The following CWC27 variants were observed in gnomAD, a reference collection of about 807,000 sequenced individuals.
The protein encoded by CWC27 is CWC27 spliceosome associated cyclophilin, also known as spliceosome-associated protein CWC27 homolog.
Under a neutral mutation model 63.6 loss-of-function variants are expected in CWC27, and 47 were observed. The observed-to-expected ratio is 0.74, with a 90% confidence interval of 0.58 to 0.94. CWC27 has a LOEUF of 0.94. CWC27 is among the 40% of genes least tolerant of loss of function. CWC27 has a pLI of 0.00. For missense variants in CWC27, 495 were observed against 554.3 expected (o/e 0.89, Z 1.07); for synonymous variants, 175 against 179.8 (o/e 0.97, Z 0.22).
intron 10 of CWC27, among the ~76,000 whole-genome samples, chr5:64,853,786 A>G (rs564929800): frequency 1.3e-5 from 2 of 152,328 alleles, no homozygotes; most frequent in Non-Finnish European, 2.9e-5. Context: ...ACCTCCCACC[A>G]GGGCCAACCT....
chr5:64,815,287 G>A (rs1353301849), intron 10 of CWC27, among the ~76,000 whole-genome samples: 2 of 152,148 alleles, frequency 1.3e-5, no homozygotes, highest in Non-Finnish European at 2.9e-5. Flanking sequence ...ATGGGCAGCT[G>A]TGGATCTGCT....
chr5:64,946,536 A>C (rs1230958041), intron 11 of CWC27, among the ~76,000 whole-genome samples: 1 of 152,124 alleles, frequency 6.6e-6, no homozygotes. Flanking sequence ...ATTCAGATTC[A>C]CTGTTCAGTG....
chr5:65,015,556 T>C (rs1750035704), intron 13 of CWC27, among the ~76,000 whole-genome samples: 1 of 152,160 alleles, frequency 6.6e-6, no homozygotes, highest in Admixed American at 6.5e-5. Flanking sequence ...ATGCCCCCGA[T>C]GTGTGGTAAA....
chr5:64,955,871 G>A (rs1748794164), intron 11 of CWC27, among the ~76,000 whole-genome samples: 1 of 151,960 alleles, frequency 6.6e-6, no homozygotes, highest in Non-Finnish European at 1.5e-5. Flanking sequence ...ATTTTCCAAA[G>A]TTCCTTATTA....
chr5:64,842,055 C>T (rs1745858530), intron 10 of CWC27, among the ~76,000 whole-genome samples: 1 of 152,126 alleles, frequency 6.6e-6, no homozygotes, highest in African/African-American at 2.4e-5. Flanking sequence ...AGCCTGCCAT[C>T]TATTTTTGAA....
At chr5:64,772,317 A>G (rs1743285820) in intron 1 of CWC27, among the ~76,000 whole-genome samples, 1 of 152,162 alleles carries the variant, frequency 6.6e-6, no homozygotes, top group Non-Finnish European at 1.5e-5. Flanking sequence ...GTTTAAATTC[A>G]TTATTTAATA....
intron 10 of CWC27, among the ~76,000 whole-genome samples, chr5:64,851,741 GA>G (rs1746138315): frequency 6.6e-6 from 1 of 152,066 alleles, no homozygotes; most frequent in Non-Finnish European, 1.5e-5. Flanking sequence ...TTAGCTATAT[GA>G]TTTAATTTAG....
intron 11 of CWC27, among the ~76,000 whole-genome samples, chr5:64,909,922 A>T (rs995579755): frequency 1.3e-5 from 2 of 152,132 alleles, no homozygotes; most frequent in African/African-American, 2.4e-5. Context: ...TCTGAAGCCT[A>T]CTTCTGTCAG....
Position 65,017,084 on chromosome 5 carries a change from G to A in CWC27, c.1257-1075G>A, listed in dbSNP as rs185811543. ...CACCTGTAATCCCAGCACTTTGGGAGGCCGAGGCGGGCAGATCACGAGGTC... is the reference window on the plus strand; with the variant it reads ...CACCTGTAATCCCAGCACTTTGGGAAGCCGAGGCGGGCAGATCACGAGGTC... On this transcript the variant is annotated intron_variant, in intron 13 of 13. Coordinates refer to ENST00000381070, the MANE Select transcript of CWC27 (RefSeq NM_005869.4). Among the ~76,000 whole-genome samples, 3 of 152,288 alleles carry A rather than the reference G, an allele frequency of 2.0e-5. No individual in the cohort carries two copies. In the East Asian group the frequency reaches 5.8e-4, roughly 29 times the overall value.
intron 13 of CWC27, among the ~76,000 whole-genome samples, chr5:65,003,335 A>T (rs1241891802): frequency 6.6e-6 from 1 of 152,032 alleles, no homozygotes. Context: ...TCATTGTTTT[A>T]TAGTTGTTTT....
chr5:64,844,161 G>T (rs188957885), intron 10 of CWC27, among the ~76,000 whole-genome samples: 1 of 152,168 alleles, frequency 6.6e-6, no homozygotes. Context: ...ATTTCAACAG[G>T]GGGGAAGGGA....
At chr5:64,788,311 G>A (rs565327090) in intron 6 of CWC27, among the ~76,000 whole-genome samples, 9 of 150,634 alleles carry the variant, frequency 6.0e-5, no homozygotes, top group African/African-American at 2.0e-4. Context: ...CTTGCTTCTA[G>A]GCTTTGGGAA....
At chr5:64,957,734 G>A (rs58229559) in intron 11 of CWC27, among the ~76,000 whole-genome samples, 2 of 152,110 alleles carry the variant, frequency 1.3e-5, no homozygotes, top group South Asian at 2.1e-4. Flanking sequence ...AATAAAAAAC[G>A]TTATTAGGGA....
intron 11 of CWC27, among the ~76,000 whole-genome samples, chr5:64,921,358 G>A (rs532952007): frequency 4.6e-5 from 7 of 151,976 alleles, no homozygotes; most frequent in South Asian, 2.1e-4. Flanking sequence ...CCTAGCTTGC[G>A]GTCAGTCTTA....
chr5:64,989,828 C>A (rs1749501154), intron 13 of CWC27, among the ~76,000 whole-genome samples: 1 of 152,152 alleles, frequency 6.6e-6, no homozygotes, highest in South Asian at 2.1e-4. Flanking sequence ...TGACAATTAG[C>A]AGAAATTCTT....
chr5:64,848,012 A>G (rs1001330005), intron 10 of CWC27, among the ~76,000 whole-genome samples: 3 of 152,084 alleles, frequency 2.0e-5, no homozygotes, highest in Non-Finnish European at 4.4e-5. Context: ...AAAAAATACA[A>G]TAAAGATCAG....
At chr5:64,851,092 A>G (rs548448829) in intron 10 of CWC27, among the ~76,000 whole-genome samples, 35 of 152,340 alleles carry the variant, frequency 2.3e-4, no homozygotes, top group African/African-American at 7.0e-4. Context: ...AGAGATGTCT[A>G]CACTACATGT....
At chr5:64,777,022 A>G (rs1485121867) in intron 2 of CWC27, among the ~76,000 whole-genome samples, 1 of 152,110 alleles carries the variant, frequency 6.6e-6, no homozygotes, top group African/African-American at 2.4e-5. Context: ...ATAGAGCAAA[A>G]AAGATATAAA....
At chr5:64,811,834 G>A (rs955493577) in intron 10 of CWC27, among the ~76,000 whole-genome samples, 1 of 152,064 alleles carries the variant, frequency 6.6e-6, no homozygotes, top group African/African-American at 2.4e-5. Flanking sequence ...AATTGATTAA[G>A]CTCTAAATTG....
Sources: gnomAD v4.1 joint callset for allele counts (sites outside exome capture counted in the v4.1 genomes callset) on GRCh38, gnomAD v4.1.1 for gene constraint, MANE v1.5 for transcripts, NCBI Gene and HGNC (gene_info 2026-07-23, HGNC 2026-07-21) for gene names.